Variants in SPAG1 observed in about 807,000 individuals in gnomAD.
SPAG1 encodes sperm-associated antigen 1.
SPAG1 carries 69 observed loss-of-function variants against 100.5 expected under a neutral mutation model. That is an observed-to-expected ratio of 0.69 (90% confidence interval 0.57 to 0.84). The LOEUF (loss-of-function observed/expected upper bound fraction) is 0.84. Ranked by LOEUF, SPAG1 falls within the 40% of genes least tolerant of loss-of-function variation. The pLI, the probability that SPAG1 is intolerant of heterozygous loss-of-function variation, is 0.00. For synonymous variants in SPAG1, 336 were observed against 411.6 expected, an observed-to-expected ratio of 0.82 and a Z score of 2.22; for missense variants, 955 against 1,133.1, an observed-to-expected ratio of 0.84 and a Z score of 2.26.
At chr8:100,175,412 G>C (rs1816068227) in intron 3 of SPAG1, among the ~76,000 whole-genome samples, 1 of 151,404 alleles carries the variant, frequency 6.6e-6, no homozygotes, top group Non-Finnish European at 1.5e-5. Flanking sequence ...AGCCTCCCGA[G>C]TAGCTGGGAC....
chr8:100,214,111 T>C (rs1006342734), intron 12 of SPAG1, among the ~76,000 whole-genome samples, 193 bp downstream of exon 12: 7 of 152,250 alleles, frequency 4.6e-5, no homozygotes, highest in African/African-American at 1.4e-4. Context: ...TTGTGCAAAC[T>C]TTTTTCATTT....
intron 13 of SPAG1, among the ~76,000 whole-genome samples, chr8:100,221,643 G>A (rs1465964930): frequency 6.6e-6 from 1 of 152,188 alleles, no homozygotes; most frequent in Non-Finnish European, 1.5e-5. Flanking sequence ...AATATAGTTG[G>A]GTAGAAACAG....
At chr8:100,179,765 A>G (rs1214516809) in intron 4 of SPAG1, among the ~76,000 whole-genome samples, 1 of 152,226 alleles carries the variant, frequency 6.6e-6, no homozygotes, top group African/African-American at 2.4e-5. Flanking sequence ...TTGAACTTCC[A>G]GGACATGTCA....
intron 4 of SPAG1, among the ~76,000 whole-genome samples, chr8:100,181,696 C>G (rs1283086683): frequency 6.6e-6 from 1 of 152,258 alleles, no homozygotes. Flanking sequence ...ATTTCCACAC[C>G]ACCAGCTTCC....
Position 100,220,268 on chromosome 8 carries a change from G to T in SPAG1, c.1536-11G>T. On this transcript the variant is annotated splice_polypyrimidine_tract_variant and intron_variant, in intron 12 of 18. Coordinates refer to ENST00000388798, the MANE Select transcript of SPAG1 (RefSeq NM_003114.5). ...AAAACAAATGGTATGTAATATTTTTGTCTTCTTTAGGGCTCTGGAACTTCA... is the reference window on the plus strand; with the variant it reads ...AAAACAAATGGTATGTAATATTTTTTTCTTCTTTAGGGCTCTGGAACTTCA... 1.3e-6 allele frequency: 2 copies of T among 1,597,998 alleles called. No individual in the cohort carries two copies. Among genetic ancestry groups the T allele is most frequent in the Admixed American group, 1.8e-5 (1 of 54,672 alleles).
chr8:100,195,383 T>A (rs930483276), intron 10 of SPAG1, among the ~76,000 whole-genome samples: 2 of 152,196 alleles, frequency 1.3e-5, no homozygotes, highest in African/African-American at 4.8e-5. Context: ...GAACGAGTTT[T>A]AATTTTTTTA....
chr8:100,212,628 G>T (rs994340391), intron 10 of SPAG1, among the ~76,000 whole-genome samples: 2 of 152,094 alleles, frequency 1.3e-5, no homozygotes. Context: ...AATCACTTAC[G>T]CTTTATTTTT....
At chr8:100,191,801 C>T (rs1816828434) in intron 9 of SPAG1, among the ~76,000 whole-genome samples, 1 of 152,026 alleles carries the variant, frequency 6.6e-6, no homozygotes, top group Non-Finnish European at 1.5e-5. Context: ...AAGGTACCTT[C>T]CTAGGTAGGA....
At chr8:100,219,199 G>A (rs539338276) in intron 12 of SPAG1, among the ~76,000 whole-genome samples, 1 of 152,326 alleles carries the variant, frequency 6.6e-6, no homozygotes, top group South Asian at 2.1e-4. Context: ...TTGTAGACAG[G>A]AATAGACAGC....
intron 9 of SPAG1, among the ~76,000 whole-genome samples, chr8:100,192,810 C>T (rs1365590956): frequency 1.3e-5 from 2 of 152,154 alleles, no homozygotes; most frequent in Non-Finnish European, 2.9e-5. Flanking sequence ...CTGCAGCCTC[C>T]ACCTCCTAGG....
At chr8:100,197,519 G>A (rs1817085080) in intron 10 of SPAG1, among the ~76,000 whole-genome samples, 2 of 152,192 alleles carry the variant, frequency 1.3e-5, no homozygotes, top group Non-Finnish European at 2.9e-5. Flanking sequence ...TGTGAAAAGA[G>A]GTGCTGGAGC....
chr8:100,190,001 A>AT (rs1191652945), intron 8 of SPAG1, among the ~76,000 whole-genome samples: 87 of 152,330 alleles, frequency 5.7e-4, no homozygotes, highest in African/African-American at 2.0e-3. Context: ...GCATATTAAA[A>AT]TATGTCAGAT....
intron 10 of SPAG1, among the ~76,000 whole-genome samples, chr8:100,211,089 G>A (rs1036308550): frequency 6.6e-6 from 1 of 152,050 alleles, no homozygotes; most frequent in Non-Finnish European, 1.5e-5. Context: ...GCTTCCTAAA[G>A]TGCTGGGATT....
intron 18 of SPAG1, 34 bp from the exon 19 acceptor site, chr8:100,240,857 G>GTTTTT: frequency 6.6e-7 from 1 of 1,508,546 alleles, no homozygotes; most frequent in Non-Finnish European, 8.9e-7. Context: ...AACATAGTTG[G>GTTTTT]TTTTTTGTTT....
In SPAG1 at chr8:100,224,283, C is replaced by G. The variant is rs13280281; in HGVS notation, c.1689-890C>G. ...GAATAAATGGGGCTGGGTGCGGTGG[C>G]TCACGCCTGTAATCTCAGCACTTTG... On this transcript the variant is annotated intron_variant, in intron 13 of 18. Transcript: ENST00000388798. Among the ~76,000 whole-genome samples, 424 of 152,148 alleles carry G rather than the reference C, an allele frequency of 2.8e-3. 1 individual carries two copies. Among genetic ancestry groups the G allele is most frequent in the Middle Eastern group, 0.017 (5 of 292 alleles).
At chr8:100,195,021 T>C (rs1327232293) in intron 10 of SPAG1, among the ~76,000 whole-genome samples, 3 of 151,904 alleles carry the variant, frequency 2.0e-5, no homozygotes, top group Non-Finnish European at 4.4e-5. Flanking sequence ...AAAAATTAGC[T>C]GGGTGTGATG....
intron 8 of SPAG1, among the ~76,000 whole-genome samples, chr8:100,191,181 A>G (rs564189710): frequency 6.8e-4 from 104 of 152,266 alleles, no homozygotes; most frequent in African/African-American, 2.4e-3. Context: ...GAGGGTTGTT[A>G]TAGAGGGGAC....
intron 3 of SPAG1, among the ~76,000 whole-genome samples, chr8:100,176,842 T>TCCTCTCCTCTCCTCA (rs1563775400): frequency 6.9e-6 from 1 of 143,914 alleles, no homozygotes. Flanking sequence ...TCCTCTCCTC[T>TCCTCTCCTCTCCTCA]TCTCTCTCCT....
intron 14 of SPAG1, among the ~76,000 whole-genome samples, chr8:100,230,787 C>G (rs1473013853): frequency 6.6e-6 from 1 of 151,994 alleles, no homozygotes; most frequent in African/African-American, 2.4e-5. Context: ...CTACGCCCAG[C>G]TAATTTTATA....
Sources: gnomAD v4.1 joint callset for allele counts (sites outside exome capture counted in the v4.1 genomes callset) on GRCh38, gnomAD v4.1.1 for gene constraint, MANE v1.5 for transcripts, NCBI Gene and HGNC (gene_info 2026-07-23, HGNC 2026-07-21) for gene names.